Variants in ST3GAL3 observed in about 807,000 individuals in gnomAD.
The protein encoded by ST3GAL3 is ST3 beta-galactoside alpha-2,3-sialyltransferase 3, also known as CMP-N-acetylneuraminate-beta-1,4-galactoside alpha-2,3-sialyltransferase.
A neutral mutation model predicts 50.1 loss-of-function variants in ST3GAL3; 21 were observed. The ratio of observed to expected loss-of-function variants is 0.42; its 90% CI spans 0.30 to 0.60. ST3GAL3 has a LOEUF of 0.60. Among genes scored for constraint, ST3GAL3 ranks in the 20% least tolerant of loss-of-function variants. The probability of loss-of-function intolerance (pLI) is 0.19; values close to 1 mark genes in which losing one functional copy is unlikely to be tolerated. For synonymous variants in ST3GAL3, 183 were observed against 190.0 expected, an observed-to-expected ratio of 0.96 and a Z score of 0.30; for missense variants, 353 against 489.4, an observed-to-expected ratio of 0.72 and a Z score of 2.63.
chr1:43,724,024 A>G (rs11210906), intron 1 of ST3GAL3, among the ~76,000 whole-genome samples: 47,769 of 152,020 alleles, frequency 0.31, 9,172 homozygotes, highest in East Asian at 0.49. Context: ...ATGAGAATGT[A>G]AGAAAGCCTA....
chr1:43,784,520 ATAAG>A (rs1345077066), intron 2 of ST3GAL3, among the ~76,000 whole-genome samples: 1 of 152,174 alleles, frequency 6.6e-6, no homozygotes, highest in Non-Finnish European at 1.5e-5. Context: ...AAATAAATAA[ATAAG>A]TAAGTAAAAA....
At chr1:43,858,985 G>T (rs1389301691) in intron 5 of ST3GAL3, among the ~76,000 whole-genome samples, 1 of 152,192 alleles carries the variant, frequency 6.6e-6, no homozygotes, top group Non-Finnish European at 1.5e-5. Context: ...GGGAAGCCAC[G>T]GCCCTACTCA....
chr1:43,726,473 G>A (rs1310085355), intron 1 of ST3GAL3, among the ~76,000 whole-genome samples: 1 of 152,084 alleles, frequency 6.6e-6, no homozygotes, highest in African/African-American at 2.4e-5. Flanking sequence ...TTTTTCTAGA[G>A]GTGGAATTTT....
At chr1:43,914,477 G>A (rs763890859) in intron 9 of ST3GAL3, 1 of 152,222 alleles carries the variant, frequency 6.6e-6, no homozygotes, top group Non-Finnish European at 1.5e-5. Context: ...TGGTGTGGTG[G>A]AAAGAATGCC....
intron 2 of ST3GAL3, among the ~76,000 whole-genome samples, chr1:43,758,101 G>T (rs965665564): frequency 6.7e-6 from 1 of 149,108 alleles, no homozygotes; most frequent in Non-Finnish European, 1.5e-5. Flanking sequence ...TATTAAATGC[G>T]AATTAAAACC....
intron 6 of ST3GAL3, among the ~76,000 whole-genome samples, chr1:43,895,521 G>A (rs142525560): frequency 7.9e-5 from 12 of 152,232 alleles, no homozygotes; most frequent in South Asian, 2.1e-4. Flanking sequence ...CTTTAGTTCC[G>A]TCAGCAGTTA....
chr1:43,868,740 C>G (rs934883623), intron 5 of ST3GAL3, among the ~76,000 whole-genome samples: 6 of 152,092 alleles, frequency 3.9e-5, no homozygotes, highest in Admixed American at 6.5e-5. Context: ...CCTGGCTAGC[C>G]CCTTTCTCCC....
chr1:43,852,156 C>A (rs1051257279), intron 5 of ST3GAL3, among the ~76,000 whole-genome samples: 2 of 152,126 alleles, frequency 1.3e-5, no homozygotes, highest in Non-Finnish European at 2.9e-5. Flanking sequence ...GGGAAGCCAG[C>A]CTGTTTGCTC....
chr1:43,799,764 A>C (rs2059112667), intron 3 of ST3GAL3: 1 of 152,182 alleles, frequency 6.6e-6, no homozygotes, highest in African/African-American at 2.4e-5. Flanking sequence ...ATGAAGTTTA[A>C]GATACAAACT....
At chr1:43,874,733 C>T (rs1000007611) in intron 5 of ST3GAL3, among the ~76,000 whole-genome samples, 14 of 152,226 alleles carry the variant, frequency 9.2e-5, no homozygotes, top group South Asian at 2.1e-4. Flanking sequence ...CACAAATGCA[C>T]GCAAGTAGTG....
intron 5 of ST3GAL3, among the ~76,000 whole-genome samples, chr1:43,866,898 G>A (rs1018206621): frequency 3.3e-5 from 5 of 152,170 alleles, no homozygotes; most frequent in African/African-American, 9.7e-5. Context: ...TTGGGAGGCC[G>A]TGGTGGGTGG....
intron 9 of ST3GAL3, among the ~76,000 whole-genome samples, chr1:43,910,553 G>A (rs1182758132): frequency 1.3e-5 from 2 of 152,226 alleles, no homozygotes; most frequent in South Asian, 2.1e-4. Context: ...AGTGAGAATG[G>A]GCACAAGAAA....
intron 2 of ST3GAL3, among the ~76,000 whole-genome samples, chr1:43,755,932 C>CA (rs1687874157): frequency 6.6e-6 from 1 of 151,710 alleles, no homozygotes; most frequent in Non-Finnish European, 1.5e-5. Flanking sequence ...CCCATCTCTA[C>CA]AAAAACTGAA....
chr1:43,743,706 T>C (rs1349967342), intron 2 of ST3GAL3: 1 of 230,324 alleles, frequency 4.3e-6, no homozygotes, highest in Non-Finnish European at 8.7e-6. Context: ...AGCAGACAGG[T>C]GTCTACTACA....
chr1:43,922,051 A>G (rs781118473), intron 11 of ST3GAL3: 25 of 260,584 alleles, frequency 9.6e-5, no homozygotes, highest in Non-Finnish European at 1.4e-4. Context: ...TCTCAGCATC[A>G]TCAATTCTGA....
At chr1:43,787,357 A>G (rs908597027) in intron 2 of ST3GAL3, among the ~76,000 whole-genome samples, 3 of 152,262 alleles carry the variant, frequency 2.0e-5, no homozygotes, top group African/African-American at 7.2e-5. Context: ...TTTGTTGAAT[A>G]CTAAGTTTTC....
intron 2 of ST3GAL3, among the ~76,000 whole-genome samples, chr1:43,766,682 G>C (rs1189915315): frequency 6.6e-6 from 1 of 152,104 alleles, no homozygotes; most frequent in Non-Finnish European, 1.5e-5. Flanking sequence ...GTGGAGTTTA[G>C]ATTTAATGCA....
chr1:43,735,062 G>A (rs1677801875), intron 1 of ST3GAL3, among the ~76,000 whole-genome samples: 1 of 152,126 alleles, frequency 6.6e-6, no homozygotes, highest in Non-Finnish European at 1.5e-5. Context: ...TAGAGCATAG[G>A]GCACAAATGA....
intron 5 of ST3GAL3, chr1:43,851,604 C>T (rs1337701801): frequency 7.5e-7 from 1 of 1,335,630 alleles, no homozygotes; most frequent in Admixed American, 1.7e-5. Context: ...CAATCCAGCC[C>T]TCTGCCGGTA....
Sources: allele counts gnomAD v4.1 joint callset (sites outside exome capture counted in the v4.1 genomes callset), GRCh38; gene constraint gnomAD v4.1.1; transcripts MANE v1.5; gene names NCBI Gene and HGNC (gene_info 2026-07-23, HGNC 2026-07-21).